Variants in PFKFB1 observed in about 807,000 individuals in gnomAD.
PFKFB1 encodes 6-phosphofructo-2-kinase/fructose-2,6-biphosphatase 1.
A neutral mutation model predicts 46.4 loss-of-function variants in PFKFB1; 34 were observed. The observed-to-expected ratio is 0.73, with a 90% CI of 0.56 to 0.98. The LOEUF (loss-of-function observed/expected upper bound fraction) is 0.98. Ranked by LOEUF, PFKFB1 falls within the 50% of genes least tolerant of loss-of-function variation. The pLI is 0.00. For missense variants in PFKFB1, 393 were observed against 376.3 expected (o/e 1.04, Z -0.37); for synonymous variants, 119 against 133.8 (o/e 0.89, Z 0.76).
Position 54,933,447 on chromosome X carries a change from G to C in PFKFB1, c.1372C>G (p.Arg458Gly). Residue 458 changes from arginine to glycine, a missense_variant, in exon 14 of 14, where the codon CGG becomes GGG. Transcript: ENST00000375006. Reference protein sequence around the residue: ...REKPENVDITREPEEALDTVP... With the variant: ...REKPENVDITGEPEEALDTVP... Reference sequence around the variant, plus strand: ...GTATCCAGGGCTTCCTCAGGTTCCCGGGTGATGTCCACATTCTGAGGAGAG... The same window carrying C: ...GTATCCAGGGCTTCCTCAGGTTCCCCGGTGATGTCCACATTCTGAGGAGAG... 1 of 1,208,266 alleles carries C rather than the reference G, an allele frequency of 8.3e-7. No individual in the cohort carries two copies. The highest frequency in any genetic ancestry group is 1.1e-6 in the Non-Finnish European group (1 of 892,413).
At position 54,950,030 on chromosome X, in the gene PFKFB1, C is replaced by T. The variant is rs151124960; in HGVS notation, c.847-809G>A. ...GACATGGCCAGTCCAGTGAGGGAAACACTGGCAGCACCGAGGGGAACCATA... is the reference window on the plus strand; with the variant it reads ...GACATGGCCAGTCCAGTGAGGGAAATACTGGCAGCACCGAGGGGAACCATA... On this transcript the variant is annotated intron_variant, in intron 8 of 13. Transcript: ENST00000375006. 6.0e-3 allele frequency among the ~76,000 whole-genome samples: 669 copies of T among 111,619 alleles called. 1 individual carries two copies. The highest frequency in any genetic ancestry group is 0.021 in the African/African-American group (636 of 30,719).
intron 10 of PFKFB1, among the ~76,000 whole-genome samples, chrX:54,941,485 T>C (rs770307742): frequency 8.9e-6 from 1 of 111,734 alleles, no homozygotes; most frequent in Non-Finnish European, 1.9e-5. Flanking sequence ...ATTTTTGCAA[T>C]CTACTCATCT....
Position 54,971,154 on chromosome X carries a change from G to C in PFKFB1, c.98-7772C>G, listed in dbSNP as rs377232790. Reference sequence around the variant, plus strand: ...TGTCTTCTTTTGAGAAGTGTCTGTTGATGTCCTTCACCCACTTTTTGATGG... The same window carrying C: ...TGTCTTCTTTTGAGAAGTGTCTGTTCATGTCCTTCACCCACTTTTTGATGG... On this transcript the variant is annotated intron_variant, in intron 1 of 13. Transcript: ENST00000375006. Among the ~76,000 whole-genome samples, 393 of 39,540 alleles carry C rather than the reference G, an allele frequency of 9.9e-3. 6 individuals are homozygous for C. The highest frequency in any genetic ancestry group is 0.04 in the African/African-American group (375 of 9,407). The allele number at this position is 39,540 out of a possible 115,157, so 34.3% of individuals were successfully genotyped here.
intron 1 of PFKFB1, among the ~76,000 whole-genome samples, chrX:54,965,005 A>G (rs933940297): frequency 8.9e-6 from 1 of 111,814 alleles, no homozygotes; most frequent in Admixed American, 9.5e-5. Context: ...AGAGAAAAAA[A>G]GAGCAAAAAA....
At chrX:54,945,965 T>G (rs752368938) in intron 9 of PFKFB1, among the ~76,000 whole-genome samples, 3 of 110,327 alleles carry the variant, frequency 2.7e-5, no homozygotes, top group Non-Finnish European at 5.7e-5. Flanking sequence ...GTTTAAAGAC[T>G]TATGCCTTGT....
Position 54,937,659 on chromosome X carries a change from T to C in PFKFB1, c.1164A>G (p.Val388=). The change falls in exon 11 of 14, where the codon GTA becomes GTG. Residue 388 remains valine, a synonymous_variant. Coordinates refer to ENST00000375006, the MANE Select transcript of PFKFB1 (RefSeq NM_002625.4). ...TGACAGCCTGGTGGCAGATCACCAG[T>C]ACATTCTCCTGTCGTTCTAGCTCCA... The part of the protein sequence containing the change: ...VIMELERQEN[V]LVICHQAVMR... 1 of 1,206,192 alleles carries C rather than the reference T, an allele frequency of 8.3e-7. No individual in the cohort carries two copies. Among genetic ancestry groups the C allele is most frequent in the Non-Finnish European group, 1.1e-6 (1 of 890,370 alleles).
chrX:54,936,059 T>A (rs1381590153), intron 11 of PFKFB1, among the ~76,000 whole-genome samples: 2 of 110,397 alleles, frequency 1.8e-5, no homozygotes, highest in Non-Finnish European at 3.8e-5. Flanking sequence ...GGGCCAAGGG[T>A]GTTTTGCCCA....
intron 1 of PFKFB1, among the ~76,000 whole-genome samples, chrX:54,971,806 G>C (rs1328738349): frequency 2.7e-5 from 3 of 111,908 alleles, no homozygotes; most frequent in African/African-American, 9.8e-5. Flanking sequence ...GCTTAGGATT[G>C]ACTTGGTGAT....
chrX:54,977,611 C>A (rs1300266979), intron 1 of PFKFB1, among the ~76,000 whole-genome samples: 2 of 110,711 alleles, frequency 1.8e-5, no homozygotes. Context: ...AAAATACAGA[C>A]GGGTTAGCAT....
intron 1 of PFKFB1, among the ~76,000 whole-genome samples, chrX:54,988,940 T>A (rs1481462904): frequency 8.9e-6 from 1 of 112,151 alleles, no homozygotes; most frequent in African/African-American, 3.2e-5. Flanking sequence ...ACAACATGGA[T>A]TAACCTTGAA....
intron 7 of PFKFB1, among the ~76,000 whole-genome samples, chrX:54,955,009 G>C (rs1426247322): frequency 1.8e-5 from 2 of 111,806 alleles, no homozygotes; most frequent in Non-Finnish European, 3.8e-5. Context: ...ACCATATGCT[G>C]TTAGCCCATA....
At chrX:54,933,980 C>T in intron 12 of PFKFB1, 95 bp from the exon 13 acceptor site, 1 of 636,380 alleles carries the variant, frequency 1.6e-6, no homozygotes, top group Non-Finnish European at 2.6e-6. Context: ...CCAGCCACAC[C>T]CCCAGCTTCA....
chrX:54,935,769 C>G (rs1933368600), intron 11 of PFKFB1, among the ~76,000 whole-genome samples: 1 of 111,513 alleles, frequency 9.0e-6, no homozygotes, highest in Admixed American at 9.5e-5. Context: ...GTCAACTGCC[C>G]CTGCCATCCA....
At chrX:54,998,452 C>T (rs1935387239), upstream of PFKFB1, 6 of 1,148,444 alleles carry the variant, frequency 5.2e-6, no homozygotes, top group Non-Finnish European at 6.9e-6. Flanking sequence ...ATCCAACACT[C>T]GGTTCTCTTG....
upstream of PFKFB1, chrX:54,994,602 G>A (rs1393166774): frequency 1.3e-6 from 1 of 752,550 alleles, no homozygotes; most frequent in Non-Finnish European, 1.6e-6. Flanking sequence ...TCCCTACTGG[G>A]GAATGCAGTG....
At chrX:54,991,833 T>C (rs1285401716) in intron 1 of PFKFB1, among the ~76,000 whole-genome samples, 1 of 111,507 alleles carries the variant, frequency 9.0e-6, no homozygotes, top group Non-Finnish European at 1.9e-5. Flanking sequence ...AACGATAAAA[T>C]GGGTGGTTCG....
Position 54,937,673 on chromosome X carries a change from G to T in PFKFB1, c.1150C>A (p.Arg384=), listed in dbSNP as rs373419320. The T allele has an allele frequency of 1.7e-6, 2 of 1,205,892 alleles. No homozygotes were observed. The highest frequency in any genetic ancestry group is 5.9e-5 in the East Asian group (2 of 33,837). Residue 384 remains arginine (R), a synonymous_variant, in exon 11 of 14, where the codon CGA becomes AGA. Transcript: ENST00000375006. The stretch of plus-strand genomic sequence containing the variant: ...CAGATCACCAGTACATTCTCCTGTC[G>T]TTCTAGCTCCATTATCACTGGCTCC... ...RLEPVIMELE[R]QENVLVICHQ... is the part of the protein sequence containing the mutation.
At chrX:54,981,665 T>C (rs191291697) in intron 1 of PFKFB1, among the ~76,000 whole-genome samples, 73 of 111,569 alleles carry the variant, frequency 6.5e-4, no homozygotes, top group Non-Finnish European at 1.1e-3. Flanking sequence ...GGTAAACATG[T>C]GTGTCAAACT....
chrX:54,973,256 G>A (rs1177085245), intron 1 of PFKFB1, among the ~76,000 whole-genome samples: 3 of 110,582 alleles, frequency 2.7e-5, no homozygotes, highest in Non-Finnish European at 3.8e-5. Context: ...TCTTGCTAGC[G>A]GTCTATCAAT....
Sources: gnomAD v4.1 joint callset for allele counts (sites outside exome capture counted in the v4.1 genomes callset) on GRCh38, gnomAD v4.1.1 for gene constraint, MANE v1.5 for transcripts, NCBI Gene and HGNC (gene_info 2026-07-23, HGNC 2026-07-21) for gene names.